Variants in SBF2 observed in about 807,000 individuals in gnomAD.
SBF2 encodes the protein SET binding factor 2, also known as myotubularin-related protein 13.
Under a neutral mutation model 225.2 loss-of-function variants are expected in SBF2, and 112 were observed. That is an observed-to-expected ratio of 0.50 (90% CI 0.43 to 0.58). SBF2 has a LOEUF of 0.58. Ranked by LOEUF, SBF2 falls within the 20% of genes least tolerant of loss-of-function variation. The pLI, the probability that SBF2 is intolerant of heterozygous loss-of-function variation, is 0.00. For missense variants in SBF2, 1,996 were observed against 2,206.2 expected, an observed-to-expected ratio of 0.90 and a Z score of 1.91; for synonymous variants, 763 against 773.3, an observed-to-expected ratio of 0.99 and a Z score of 0.22.
At chr11:10,124,986 TC>T (rs1325696364) in intron 2 of SBF2, among the ~76,000 whole-genome samples, 3 of 151,516 alleles carry the variant, frequency 2.0e-5, no homozygotes, top group Non-Finnish European at 4.4e-5. Context: ...GTGCCTGTAA[TC>T]CCAGCTACTC....
chr11:10,032,248 G>A (rs998636030), intron 3 of SBF2, among the ~76,000 whole-genome samples: 2 of 152,054 alleles, frequency 1.3e-5, no homozygotes, highest in African/African-American at 4.8e-5. Flanking sequence ...ACCCAAAATC[G>A]TGATTCCCCT....
At chr11:10,167,736 G>A (rs894671456) in intron 2 of SBF2, among the ~76,000 whole-genome samples, 1 of 152,084 alleles carries the variant, frequency 6.6e-6, no homozygotes, top group African/African-American at 2.4e-5. Context: ...AATAGGCCAC[G>A]GCCAAGCACG....
chr11:9,994,505 T>C (rs1210491241), intron 9 of SBF2, among the ~76,000 whole-genome samples: 3 of 148,792 alleles, frequency 2.0e-5, no homozygotes, highest in Non-Finnish European at 3.0e-5. Context: ...AAACATGTTC[T>C]AGAAAAATAC....
chr11:9,846,460 T>C lies in SBF2; in HGVS notation c.2934+496A>G, dbSNP rs146879494. 3.9e-4 allele frequency among the ~76,000 whole-genome samples: 60 copies of C among 152,338 alleles called. No individual in the cohort carries two copies. The East Asian group carries it at 0.01, about 26-fold the overall frequency. ...TCTGGTTTGCATTATTCAATAATTA[T>C]TGAGTTATTGCAGTAATTCTACAAA... On this transcript the variant is annotated intron_variant, in intron 23 of 39. Coordinates refer to ENST00000256190, the MANE Select transcript of SBF2 (RefSeq NM_030962.4).
At chr11:9,809,092 C>T (rs1355602431) in intron 30 of SBF2, 90 bp from the exon 31 acceptor site, 9 of 917,248 alleles carry the variant, frequency 9.8e-6, no homozygotes, top group South Asian at 2.7e-5. Context: ...GATAATCAAA[C>T]GACTTAGGGA....
intron 1 of SBF2, among the ~76,000 whole-genome samples, chr11:10,254,527 G>C (rs531368720): frequency 6.6e-6 from 1 of 151,872 alleles, no homozygotes; most frequent in South Asian, 2.1e-4. Flanking sequence ...CAAAGATATG[G>C]AATCAACTTA....
chr11:9,843,503 C>T (rs1482847782), intron 24 of SBF2, among the ~76,000 whole-genome samples: 1 of 152,076 alleles, frequency 6.6e-6, no homozygotes, highest in African/African-American at 2.4e-5. Flanking sequence ...CTAGGCAATC[C>T]AGAGAATTAA....
chr11:9,794,867 C>T (rs1313720050), intron 33 of SBF2, among the ~76,000 whole-genome samples: 1 of 151,908 alleles, frequency 6.6e-6, no homozygotes, highest in Admixed American at 6.6e-5. Context: ...AAAATGGTCT[C>T]ACCAGTGCTC....
chr11:10,020,043 C>G (rs2134591851), intron 6 of SBF2, among the ~76,000 whole-genome samples: 1 of 152,140 alleles, frequency 6.6e-6, no homozygotes, highest in East Asian at 1.9e-4. Context: ...CTGCCCAACC[C>G]CAACCAGGAA....
intron 2 of SBF2, among the ~76,000 whole-genome samples, chr11:10,056,874 G>C (rs1231773451): frequency 2.0e-5 from 3 of 152,146 alleles, no homozygotes; most frequent in African/African-American, 7.2e-5. Context: ...GGCAACTGGG[G>C]GCTGAAATGG....
rs982910191 is a variant in SBF2, at chr11:10,072,748, T to G, written c.142-29767A>C. ...TTTTTTTTTTTCTTTTTTTTTTTTT[T>G]GGAGACAGGGTCTCATTCTGTTGCC... is the stretch of plus-strand genomic sequence containing the variant. On this transcript the variant is annotated intron_variant, in intron 2 of 39. Coordinates refer to ENST00000256190, the MANE Select transcript of SBF2 (RefSeq NM_030962.4). Among the ~76,000 whole-genome samples, 280 of 144,330 alleles carry G rather than the reference T, an allele frequency of 1.9e-3. 1 individual carries two copies. The highest frequency in any genetic ancestry group is 3.4e-3 in the Non-Finnish European group (225 of 65,820). The allele number at this position is 144,330 out of a possible 152,430, so 94.7% of individuals were successfully genotyped here.
intron 2 of SBF2, among the ~76,000 whole-genome samples, chr11:10,085,977 C>A (rs1951552947): frequency 9.7e-6 from 1 of 102,600 alleles, no homozygotes; most frequent in African/African-American, 3.9e-5. Flanking sequence ...CACCCCCCAC[C>A]CCAGGTATCC....
chr11:10,071,263 CTCT>C (rs1430188544), intron 2 of SBF2, among the ~76,000 whole-genome samples: 18 of 124,958 alleles, frequency 1.4e-4, no homozygotes, highest in South Asian at 7.7e-4. Flanking sequence ...TTCTCTCTCT[CTCT>C]TTTTTTTTTT....
chr11:9,814,955 T>A (rs1406539809), intron 29 of SBF2, among the ~76,000 whole-genome samples: 1 of 152,212 alleles, frequency 6.6e-6, no homozygotes, highest in East Asian at 1.9e-4. Flanking sequence ...TTGGCTTTCA[T>A]GTTTCTTTGT....
chr11:9,994,453 C>T (rs180769226), intron 9 of SBF2, among the ~76,000 whole-genome samples: 7,816 of 145,248 alleles, frequency 0.054, 295 homozygotes, highest in Middle Eastern at 0.18. Flanking sequence ...CCAGCCTGGG[C>T]GACAGAGCGA....
chr11:10,070,856 T>G (rs1017725444), intron 2 of SBF2, among the ~76,000 whole-genome samples: 1 of 152,214 alleles, frequency 6.6e-6, no homozygotes, highest in Non-Finnish European at 1.5e-5. Flanking sequence ...TTTGTAGTTC[T>G]CCCTGAAGAA....
intron 2 of SBF2, among the ~76,000 whole-genome samples, chr11:10,181,328 T>C (rs916620449): frequency 6.6e-6 from 1 of 152,124 alleles, no homozygotes; most frequent in African/African-American, 2.4e-5. Context: ...TTTCAATTTC[T>C]AATTTTTTTA....
chr11:10,032,296 G>T (rs1307620420), intron 3 of SBF2, among the ~76,000 whole-genome samples: 1 of 152,072 alleles, frequency 6.6e-6, no homozygotes, highest in African/African-American at 2.4e-5. Context: ...AACAAACCCT[G>T]ATTTCTTACC....
intron 2 of SBF2, among the ~76,000 whole-genome samples, chr11:10,110,054 G>A (rs1044359870): frequency 6.6e-6 from 1 of 152,124 alleles, no homozygotes; most frequent in African/African-American, 2.4e-5. Flanking sequence ...CATCTCCATG[G>A]AGGAAATCCA....
Sources: gnomAD v4.1 joint callset for allele counts (sites outside exome capture counted in the v4.1 genomes callset) on GRCh38, gnomAD v4.1.1 for gene constraint, MANE v1.5 for transcripts, NCBI Gene and HGNC (gene_info 2026-07-23, HGNC 2026-07-21) for gene names.